The following SCN3A variants were observed in gnomAD, a reference collection of about 807,000 sequenced individuals.
SCN3A encodes sodium channel protein type 3 subunit alpha.
Under a neutral mutation model 187.6 loss-of-function variants are expected in SCN3A, and 60 were observed. The ratio of observed to expected loss-of-function variants is 0.32; its 90% CI spans 0.26 to 0.40. The LOEUF (loss-of-function observed/expected upper bound fraction) is 0.40. SCN3A is among the 10% of genes least tolerant of loss of function. The probability of loss-of-function intolerance (pLI) is 1.00; values close to 1 mark genes in which losing one functional copy is unlikely to be tolerated. For synonymous variants in SCN3A, 788 were observed against 829.2 expected (o/e 0.95, Z 0.85); for missense variants, 1,601 against 2,428.2 (o/e 0.66, Z 7.16).
intron 2 of SCN3A, among the ~76,000 whole-genome samples, chr2:165,180,661 G>A (rs1690789137): frequency 6.6e-6 from 1 of 152,052 alleles, no homozygotes; most frequent in South Asian, 2.1e-4. Flanking sequence ...CATTATGGGT[G>A]GACATCACCC....
At chr2:165,166,922 CAG>C (rs1295993505) in intron 5 of SCN3A, among the ~76,000 whole-genome samples, 1 of 146,012 alleles carries the variant, frequency 6.8e-6, no homozygotes, top group East Asian at 2.2e-4. Context: ...TGTTTTGAAA[CAG>C]AGTTTCGCTC....
intron 11 of SCN3A, among the ~76,000 whole-genome samples, chr2:165,147,402 G>A (rs16850140): frequency 0.22 from 33,776 of 151,568 alleles, 3,753 homozygotes; most frequent in East Asian, 0.31. Flanking sequence ...TCTGTAAAAC[G>A]TTTCCTCCTG....
chr2:165,184,109 A>G (rs1353644831), intron 2 of SCN3A, among the ~76,000 whole-genome samples: 2 of 152,146 alleles, frequency 1.3e-5, no homozygotes, highest in Admixed American at 1.3e-4. Flanking sequence ...TATTTACCAT[A>G]TATTCTCAGG....
At chr2:165,148,774 T>C (rs1391810497) in intron 11 of SCN3A, among the ~76,000 whole-genome samples, 1 of 151,876 alleles carries the variant, frequency 6.6e-6, no homozygotes, top group African/African-American at 2.4e-5. Flanking sequence ...TTTTATAGAG[T>C]CATATAGCCA....
intron 18 of SCN3A, among the ~76,000 whole-genome samples, chr2:165,127,233 A>ATT (rs34320729): frequency 4.7e-5 from 7 of 150,428 alleles, no homozygotes; most frequent in East Asian, 2.0e-4. Flanking sequence ...GAATTTTCGT[A>ATT]TTTTTTTTTG....
chr2:165,141,050 C>A, intron 12 of SCN3A, 52 bp from the exon 13 acceptor site: 1 of 1,158,926 alleles, frequency 8.6e-7, no homozygotes, highest in Non-Finnish European at 1.2e-6. Flanking sequence ...GGGAAGAACG[C>A]AATTATTTAA....
intron 11 of SCN3A, among the ~76,000 whole-genome samples, chr2:165,151,060 G>A (rs1057297374): frequency 4.6e-5 from 7 of 152,082 alleles, no homozygotes; most frequent in African/African-American, 1.7e-4. Flanking sequence ...CACCAAATTT[G>A]TTTATAGTTT....
At chr2:165,097,137 A>G in intron 23 of SCN3A, 115 bp downstream of exon 23, 2 of 1,111,450 alleles carry the variant, frequency 1.8e-6, no homozygotes, top group East Asian at 2.4e-5. Context: ...AGGTGTTATC[A>G]TTAACTTTTT....
rs5836018 is a variant in SCN3A, at chr2:165,146,382, ATGTGTGTGTGTG to A, written c.1671+345_1671+356del. On this transcript the variant is annotated intron_variant, in intron 12 of 27. Coordinates refer to ENST00000283254, the MANE Select transcript of SCN3A (RefSeq NM_006922.4). ...GCTAGTGTAGGTTATATATATATAT[ATGTGTGTGTGTG>A]TGTGTGTGTGTGTGTGTGTGTGTGT... 7.5e-3 allele frequency among the ~76,000 whole-genome samples: 804 copies of A among 107,864 alleles called. 4 individuals are homozygous for A. Among genetic ancestry groups the A allele is most frequent in the African/African-American group, 0.024 (760 of 31,330 alleles). The allele number at this position is 107,864 out of a possible 152,430, so 70.8% of individuals were successfully genotyped here.
At chr2:165,171,868 A>G (rs62176176) in intron 3 of SCN3A, among the ~76,000 whole-genome samples, 10,775 of 152,156 alleles carry the variant, frequency 0.071, 577 homozygotes, top group Non-Finnish European at 0.096. Flanking sequence ...CATTTTTTTC[A>G]CAGTATTTAA....
Position 165,090,273 on chromosome 2 carries a change from C to G in SCN3A, c.5880G>C (p.Gly1960=). ...AAGGAGGAGAGGTGGTAGAGGAACT[C>G]CCATCTGTTTTTTCTGGAGTGGAGT... ...NGNSTPEKTD[G]SSSTTSPPSY... is the part of the protein sequence containing the mutation. Residue 1960 remains glycine, a synonymous_variant, in exon 28 of 28, where the codon GGG becomes GGC. Coordinates refer to ENST00000283254, the MANE Select transcript of SCN3A (RefSeq NM_006922.4). The surrounding 1 kb of genome is among the most constrained non-coding windows in gnomAD (Gnocchi z 4.0). 6.2e-7 allele frequency: 1 copy of G among 1,612,670 alleles called. No individual in the cohort carries two copies. Among genetic ancestry groups the G allele is most frequent in the South Asian group, 1.1e-5 (1 of 90,846 alleles).
chr2:165,182,244 T>A (rs150257070), intron 2 of SCN3A, among the ~76,000 whole-genome samples: 4 of 152,280 alleles, frequency 2.6e-5, no homozygotes, highest in Non-Finnish European at 5.9e-5. Context: ...TAGTCACCAC[T>A]CAATAGTCAA....
chr2:165,100,241 A>G lies in SCN3A; in HGVS notation c.3966+61T>C, dbSNP rs1004472516. The G allele has an allele frequency of 3.8e-6, 6 of 1,564,704 alleles. No homozygotes were observed. The Admixed American group carries it at 5.0e-5, about 13-fold the overall frequency. On this transcript the variant is annotated intron_variant, in intron 22 of 27. Coordinates refer to ENST00000283254, the MANE Select transcript of SCN3A (RefSeq NM_006922.4). ...TCAGAAGAGTATGGCACCCTTTTCT[A>G]TCTAAATCATTACCTACATGTAATT... is the stretch of plus-strand genomic sequence containing the variant.
rs1054325216 is a variant in SCN3A at position 165,115,417 on chromosome 2, A to G, written c.3514+38T>C. On this transcript the variant is annotated intron_variant, in intron 19 of 27. Coordinates refer to ENST00000283254, the MANE Select transcript of SCN3A (RefSeq NM_006922.4). ...GCATATTCAGTCTCCGTAAAGAACA[A>G]GGGGAGATTGTATTTAATCACATCA... 1.9e-6 allele frequency: 3 copies of G among 1,612,836 alleles called. No individual in the cohort carries two copies. The African/African-American group carries it at 4.0e-5, about 22-fold the overall frequency.
intron 5 of SCN3A, among the ~76,000 whole-genome samples, chr2:165,165,149 TTC>T (rs1366126575): frequency 6.6e-6 from 1 of 152,108 alleles, no homozygotes; most frequent in African/African-American, 2.4e-5. Context: ...GAAAATATAT[TTC>T]TTTTTTTTCA....
At chr2:165,091,399 G>A in intron 27 of SCN3A, 54 bp from the exon 28 acceptor site, 2 of 1,605,590 alleles carry the variant, frequency 1.2e-6, no homozygotes, top group South Asian at 2.2e-5. Flanking sequence ...CTTACATGAT[G>A]GCTTTATCTT....
At chr2:165,123,095 T>A (rs1183289639) in intron 18 of SCN3A, among the ~76,000 whole-genome samples, 2 of 151,498 alleles carry the variant, frequency 1.3e-5, no homozygotes, top group Non-Finnish European at 3.0e-5. Flanking sequence ...ATTATGATTA[T>A]GAGAACTTAA....
At chr2:165,112,761 A>T (rs1686182770) in intron 21 of SCN3A, 124 bp downstream of exon 21, 2 of 823,494 alleles carry the variant, frequency 2.4e-6, no homozygotes, top group African/African-American at 3.5e-5. Context: ...CATATGTTAC[A>T]GTTTTGTTTA....
intron 12 of SCN3A, among the ~76,000 whole-genome samples, chr2:165,145,525 A>G (rs1688263569): frequency 6.6e-6 from 1 of 152,096 alleles, no homozygotes; most frequent in African/African-American, 2.4e-5. Flanking sequence ...ATATGAGAAT[A>G]CAAGTTTTAA....
Sources: allele counts gnomAD v4.1 joint callset (sites outside exome capture counted in the v4.1 genomes callset), GRCh38; gene constraint gnomAD v4.1.1; non-coding constraint Gnocchi (gnomAD v3.1); transcripts MANE v1.5; gene names NCBI Gene and HGNC (gene_info 2026-07-23, HGNC 2026-07-21).